CLBA1: variants seen among roughly 807,000 people sequenced by gnomAD.
CLBA1 encodes clathrin binding box of aftiphilin containing 1.
A neutral mutation model predicts 28.8 loss-of-function variants in CLBA1; 30 were observed. The observed-to-expected ratio is 1.04, with a 90% CI of 0.78 to 1.41. CLBA1 has a LOEUF of 1.41. Ranked by LOEUF, CLBA1 falls within the 40% of genes most tolerant of loss-of-function variation. The pLI is 0.00. For synonymous variants in CLBA1, 160 were observed against 152.8 expected, an observed-to-expected ratio of 1.05 and a Z score of -0.35; for missense variants, 451 against 412.3, an observed-to-expected ratio of 1.09 and a Z score of -0.81.
intron 2 of CLBA1, 76 bp from the exon 3 acceptor site, chr14:104,991,415 G>T: frequency 6.3e-7 from 1 of 1,583,902 alleles, no homozygotes. Flanking sequence ...GCCCCGCTGC[G>T]TGCCTCGGGC....
chr14:104,988,840 C>A (rs1899938608), intron 1 of CLBA1, 103 bp from the exon 2 acceptor site: 1 of 1,202,774 alleles, frequency 8.3e-7, no homozygotes, highest in Non-Finnish European at 1.2e-6. Flanking sequence ...ATGGTATGAT[C>A]AATTACAAAT....
At position 104,986,375 on chromosome 14, in the gene CLBA1, C is replaced by T. The variant is rs188305321; in HGVS notation, c.-57C>T. 4 of 1,557,906 alleles carry T rather than the reference C, an allele frequency of 2.6e-6. No individual in the cohort carries two copies. The highest frequency in any genetic ancestry group is 1.8e-5 in the Admixed American group (1 of 55,990). On this transcript the variant is annotated 5_prime_UTR_variant, in exon 1 of 5. Transcript: ENST00000547315. The stretch of plus-strand genomic sequence containing the variant: ...CAGTCCTGGGCGGCCAGCACCCCGG[C>T]GTGCATGTCTCCTGAGCAGCTGCCC...
chr14:104,998,506 G>A (rs146663264), downstream of CLBA1, among the ~76,000 whole-genome samples: 97 of 152,316 alleles, frequency 6.4e-4, 2 homozygotes, highest in Admixed American at 2.8e-3. Flanking sequence ...AGGGTCTTAC[G>A]ATGTTGCCGT....
chr14:104,995,027 G>C lies in CLBA1; in HGVS notation c.*268G>C. On this transcript the variant is annotated 3_prime_UTR_variant, in exon 5 of 5. Coordinates refer to ENST00000547315, the MANE Select transcript of CLBA1 (RefSeq NM_174891.4). ...TCCAGGTGGCACTCATGGGCCCCCTGCCCCATGTGAATGCTGCTGGCACCT... is the reference window on the plus strand; with the variant it reads ...TCCAGGTGGCACTCATGGGCCCCCTCCCCCATGTGAATGCTGCTGGCACCT... The C allele has an allele frequency of 9.0e-7, 1 of 1,105,866 alleles. No homozygotes were observed. The highest frequency in any genetic ancestry group is 1.1e-6 in the Non-Finnish European group (1 of 906,718). 68.5% of individuals were successfully genotyped at this position (1,105,866 alleles called of 1,614,324 possible).
Position 104,989,008 on chromosome 14 carries a change from T to C in CLBA1, c.489T>C (p.Ala163=). 6.2e-7 allele frequency: 1 copy of C among 1,613,366 alleles called. No homozygotes were observed. Among genetic ancestry groups the C allele is most frequent in the Non-Finnish European group, 8.5e-7 (1 of 1,179,338 alleles). The change falls in exon 2 of 5, where the codon GCT becomes GCC. Residue 163 remains alanine, a synonymous_variant. Coordinates refer to ENST00000547315, the MANE Select transcript of CLBA1 (RefSeq NM_174891.4). ...AFQEITVQQA[A]EDVSTIDHFL... ...AAGAAATAACAGTCCAGCAGGCAGC[T>C]GAAGACGTTTCCACCATAGACCATT...
Position 104,986,622 on chromosome 14 carries a change from G to A in CLBA1, c.191G>A (p.Cys64Tyr), listed in dbSNP as rs1899870802. Residue 64 changes from cysteine (C) to tyrosine (Y), a missense_variant, in exon 1 of 5, where the codon TGC (cysteine) becomes TAC (tyrosine). Transcript: ENST00000547315. Reference protein sequence around the residue: ...ISMPREGGSTCTARCPDPGEH... With the variant: ...ISMPREGGSTYTARCPDPGEH... ...ATGCCCCGTGAGGGCGGTTCCACCT[G>A]CACTGCCCGATGTCCTGACCCTGGG... 1 of 1,614,122 alleles carries A rather than the reference G, an allele frequency of 6.2e-7. No individual in the cohort carries two copies. Among genetic ancestry groups the A allele is most frequent in the Non-Finnish European group, 8.5e-7 (1 of 1,180,030 alleles).
At chr14:104,988,533 G>T (rs1475178596) in intron 1 of CLBA1, among the ~76,000 whole-genome samples, 1 of 152,022 alleles carries the variant, frequency 6.6e-6, no homozygotes, top group South Asian at 2.1e-4. Context: ...AGAGATGGGG[G>T]TTTCACCATG....
At chr14:104,990,346 C>G (rs1215035050) in intron 2 of CLBA1, 1 of 153,064 alleles carries the variant, frequency 6.5e-6, no homozygotes, top group Non-Finnish European at 1.5e-5. Context: ...CTGTACTCAT[C>G]TGGAGTGCAG....
In CLBA1 at chr14:104,995,056, G is replaced by C. The variant is rs554648463; in HGVS notation, c.*297G>C. 214 of 1,059,310 alleles carry C rather than the reference G, an allele frequency of 2.0e-4. 1 individual carries two copies. In the African/African-American group the frequency reaches 3.3e-3, roughly 16 times the overall value. 65.6% of individuals were successfully genotyped at this position (1,059,310 alleles called of 1,614,324 possible). A position where few individuals can be genotyped will look rare whatever the true frequency, so the allele number is the denominator to read the frequency against. The stretch of plus-strand genomic sequence containing the variant: ...CATGTGAATGCTGCTGGCACCTGGT[G>C]GGGGGTTGCCCAGGGATGGACCCTG... On this transcript the variant is annotated 3_prime_UTR_variant, in exon 5 of 5. Coordinates refer to ENST00000547315, the MANE Select transcript of CLBA1 (RefSeq NM_174891.4).
Position 104,985,801 on chromosome 14 carries a change from G to A in CLBA1, c.-631G>A, listed in dbSNP as rs889842319. ...CACGCCGTTGCCAGGCAACGGGGCG[G>A]CGCAGGCAGGAGGGAACGGCTGGTT... On this transcript the variant is annotated 5_prime_UTR_variant, in exon 1 of 5. Coordinates refer to ENST00000547315, the MANE Select transcript of CLBA1 (RefSeq NM_174891.4). The A allele has an allele frequency of 1.0e-5, 3 of 289,962 alleles. No homozygotes were observed. The highest frequency in any genetic ancestry group is 2.2e-5 in the Non-Finnish European group (3 of 139,188). 18.0% of individuals were successfully genotyped at this position (289,962 alleles called of 1,614,324 possible).
intron 4 of CLBA1, chr14:104,993,975 A>G: frequency 1.0e-6 from 1 of 984,680 alleles, no homozygotes; most frequent in South Asian, 4.7e-5. Flanking sequence ...CTGGGCAAGA[A>G]TTAGGCATGA....
chr14:104,999,118 T>C, downstream of CLBA1: 4 of 724,248 alleles, frequency 5.5e-6, no homozygotes, highest in South Asian at 6.2e-5. Context: ...GGCTGACAGC[T>C]TTCCTCTGCC....
chr14:105,000,612 T>C (rs1234046966), intron 2 of CLBA1, among the ~76,000 whole-genome samples: 1 of 152,112 alleles, frequency 6.6e-6, no homozygotes, highest in Non-Finnish European at 1.5e-5. Flanking sequence ...TCTATTTTTA[T>C]ATATATACAC....
At chr14:104,998,948 G>A (rs889213294), downstream of CLBA1, among the ~76,000 whole-genome samples, 1 of 152,266 alleles carries the variant, frequency 6.6e-6, no homozygotes, top group Non-Finnish European at 1.5e-5. Context: ...CCCTCTCCCA[G>A]CCAGCTACTG....
downstream of CLBA1, among the ~76,000 whole-genome samples, chr14:104,997,620 A>G (rs1900178461): frequency 6.6e-6 from 1 of 152,372 alleles, no homozygotes; most frequent in East Asian, 1.9e-4. Context: ...AACGATAGGA[A>G]CAATGGCTCA....
intron 2 of CLBA1, among the ~76,000 whole-genome samples, chr14:105,000,653 CA>C (rs1900250052): frequency 1.3e-5 from 2 of 151,934 alleles, no homozygotes; most frequent in Admixed American, 1.3e-4. Flanking sequence ...TATACAAAAC[CA>C]ATGCTCCATA....
chr14:104,988,696 C>CT (rs1266543000), intron 1 of CLBA1, among the ~76,000 whole-genome samples: 2 of 152,162 alleles, frequency 1.3e-5, no homozygotes, highest in Non-Finnish European at 2.9e-5. Flanking sequence ...GGGTGGTCAT[C>CT]TTTTTTCATG....
At chr14:104,989,411 G>A in intron 2 of CLBA1, 1 of 396,804 alleles carries the variant, frequency 2.5e-6, no homozygotes, top group South Asian at 2.0e-5. Context: ...GTGGCTGGTG[G>A]GCCTGGGCAG....
intron 2 of CLBA1, chr14:104,989,463 C>T (rs1006914321): frequency 1.7e-5 from 7 of 401,592 alleles, no homozygotes; most frequent in African/African-American, 1.0e-4. Flanking sequence ...GAGTGGGCAC[C>T]GGCTGCCTCA....
Sources: allele counts gnomAD v4.1 joint callset (sites outside exome capture counted in the v4.1 genomes callset), GRCh38; gene constraint gnomAD v4.1.1; transcripts MANE v1.5; gene names NCBI Gene and HGNC (gene_info 2026-07-23, HGNC 2026-07-21).